STAT2: variants seen among roughly 807,000 people sequenced by gnomAD.
The protein encoded by STAT2 is interferon alpha induced transcriptional activator.
Under a neutral mutation model 122.3 loss-of-function variants are expected in STAT2, and 51 were observed. The ratio of observed to expected loss-of-function variants is 0.42; its 90% confidence interval spans 0.33 to 0.53. The LOEUF (loss-of-function observed/expected upper bound fraction) is 0.53, where lower values mean the gene tolerates loss of function less well. Among genes scored for constraint, STAT2 ranks in the 20% least tolerant of loss-of-function variants. The probability of loss-of-function intolerance (pLI) is 0.10; values close to 1 mark genes in which losing one functional copy is unlikely to be tolerated. For missense variants in STAT2, 736 were observed against 1,010.3 expected (o/e 0.73, Z 3.68); for synonymous variants, 351 against 394.9 (o/e 0.89, Z 1.32).
At chr12:56,357,988 C>G (rs1273710879) in intron 1 of STAT2, among the ~76,000 whole-genome samples, 2 of 152,106 alleles carry the variant, frequency 1.3e-5, no homozygotes, top group African/African-American at 4.8e-5. Flanking sequence ...CAGGCATGAG[C>G]CACCATAACC....
At position 56,355,695 on chromosome 12, in the gene STAT2, G is replaced by C. The variant is rs1239790572; in HGVS notation, c.381+13C>G. 1 of 1,612,594 alleles carries C rather than the reference G, an allele frequency of 6.2e-7. No homozygotes were observed. Among genetic ancestry groups the C allele is most frequent in the Non-Finnish European group, 8.5e-7 (1 of 1,178,792 alleles). ...TTCAGGAGTTTCCAACATTACCACT[G>C]AATTGTCCTCACCAATTGGGCCCTC... On this transcript the variant is annotated intron_variant, in intron 4 of 23. Transcript: ENST00000314128.
In STAT2 at chr12:56,351,122, C is replaced by A; in HGVS notation, c.1010G>T (p.Gly337Val). The change falls in exon 10 of 24, where the codon GGC becomes GTC. Residue 337 changes from glycine (G) to valine (V), a missense_variant. Transcript: ENST00000314128. ...CCTTGTTCGGACGGTGAACTTGCTG[C>A]CAGTCTTGAGGATGAGGGGTCGATG... is the stretch of plus-strand genomic sequence containing the variant. ...TPHRPLILKT[G>V]SKFTVRTRLL... The A allele has an allele frequency of 6.2e-7, 1 of 1,613,990 alleles. No homozygotes were observed. Among genetic ancestry groups the A allele is most frequent in the Non-Finnish European group, 8.5e-7 (1 of 1,179,994 alleles).
At chr12:56,345,457 A>G (rs1877241672) in intron 22 of STAT2, among the ~76,000 whole-genome samples, 1 of 129,156 alleles carries the variant, frequency 7.7e-6, no homozygotes, top group Non-Finnish European at 1.6e-5. Flanking sequence ...TCATGATTAT[A>G]CCACTGCACT....
Position 56,344,181 on chromosome 12 carries a change from A to C in STAT2, c.2103-46T>G, listed in dbSNP as rs775952433. ...AAAGGGGCAGGGCTCAGTGGTTCAA[A>C]TGAAATCAGGAATGGTAGAATAAGC... is the stretch of plus-strand genomic sequence containing the variant. On this transcript the variant is annotated intron_variant, in intron 22 of 23. Coordinates refer to ENST00000314128, the MANE Select transcript of STAT2 (RefSeq NM_005419.4). 6.6e-6 allele frequency: 10 copies of C among 1,521,576 alleles called. No individual in the cohort carries two copies. In the African/African-American group the frequency reaches 9.7e-5, roughly 15 times the overall value. 94.3% of individuals were successfully genotyped at this position (1,521,576 alleles called of 1,614,324 possible). A position where few individuals can be genotyped will look rare whatever the true frequency, so the allele number is the denominator to read the frequency against.
Position 56,355,794 on chromosome 12 carries a change from G to A in STAT2, c.295C>T (p.Gln99Ter), listed in dbSNP as rs2136088691. The change falls in exon 4 of 24, where the codon CAG becomes TAG. Residue 99 changes from glutamine to a stop codon, truncating the protein, a stop_gained. Transcript: ENST00000314128. LOFTEE classifies it high-confidence loss of function. The part of the protein sequence containing the change: ...KFCRDIQPFS[Q>*]DPTQLAEMIF... ...ATCTCAGCCAACTGGGTAGGATCCT[G>A]GGAAAAGGGCTAGAATAGGTAAACA... 2 of 1,614,048 alleles carry A rather than the reference G, an allele frequency of 1.2e-6. No individual in the cohort carries two copies. The highest frequency in any genetic ancestry group is 1.7e-6 in the Non-Finnish European group (2 of 1,179,956).
rs111889584 is a variant in STAT2, at chr12:56,355,808, A to G, written c.286-5T>C. Reference sequence around the variant, plus strand: ...GGTAGGATCCTGGGAAAAGGGCTAGAATAGGTAAACAGAAAGGATTGATCC... The same window carrying G: ...GGTAGGATCCTGGGAAAAGGGCTAGGATAGGTAAACAGAAAGGATTGATCC... On this transcript the variant is annotated splice_polypyrimidine_tract_variant and splice_region_variant and intron_variant, in intron 3 of 23. Coordinates refer to ENST00000314128, the MANE Select transcript of STAT2 (RefSeq NM_005419.4). The G allele has an allele frequency of 8.4e-5, 135 of 1,613,168 alleles. No individual in the cohort carries two copies. The African/African-American group carries it at 1.5e-3, about 18-fold the overall frequency.
chr12:56,351,540 G>T, intron 8 of STAT2, 90 bp from the exon 9 acceptor site: 2 of 1,375,668 alleles, frequency 1.5e-6, no homozygotes, highest in Non-Finnish European at 2.0e-6. Flanking sequence ...TATGTGAAGA[G>T]TCAGAAACTG....
In STAT2 at chr12:56,343,274, C is replaced by G; in HGVS notation, c.*115G>C. 6.9e-7 allele frequency: 1 copy of G among 1,451,954 alleles called. No homozygotes were observed. Among genetic ancestry groups the G allele is most frequent in the Admixed American group, 2.2e-5 (1 of 44,876 alleles). The allele number at this position is 1,451,954 out of a possible 1,614,324, so 89.9% of individuals were successfully genotyped here. A position where few individuals can be genotyped will look rare whatever the true frequency, so the allele number is the denominator to read the frequency against. ...GGAGTCACACAGGCCTGAGTTTGAA[C>G]AGTTAACACAGCTTGGAAGGGACAC... On this transcript the variant is annotated 3_prime_UTR_variant, in exon 24 of 24. Transcript: ENST00000314128.
chr12:56,352,831 A>T (rs1878754136), intron 8 of STAT2, among the ~76,000 whole-genome samples: 1 of 151,484 alleles, frequency 6.6e-6, no homozygotes, highest in Non-Finnish European at 1.5e-5. Context: ...GTACATATAT[A>T]CTTTTAGAGA....
chr12:56,349,277 G>C lies in STAT2; in HGVS notation c.1342-16C>G, dbSNP rs1479761346. On this transcript the variant is annotated splice_polypyrimidine_tract_variant and intron_variant, in intron 15 of 23. Transcript: ENST00000314128. ...GGGTGTCCGTCTGGGGAGAAGACAG[G>C]AGTCACAGAGAGGGATGTGATGTTT... 6.2e-7 allele frequency: 1 copy of C among 1,614,080 alleles called. No individual in the cohort carries two copies. The highest frequency in any genetic ancestry group is 8.5e-7 in the Non-Finnish European group (1 of 1,180,048).
chr12:56,350,444 TA>T lies in STAT2; in HGVS notation c.1095-13del. On this transcript the variant is annotated splice_polypyrimidine_tract_variant and intron_variant, in intron 11 of 23. Coordinates refer to ENST00000314128, the MANE Select transcript of STAT2 (RefSeq NM_005419.4). ...ATTGAGGAGGATTCCTGAAAAGAAATAAATTTAAAAAAATCATTGGGCAAAA... is the reference window on the plus strand; with the variant it reads ...ATTGAGGAGGATTCCTGAAAAGAAATAATTTAAAAAAATCATTGGGCAAAA... 3 of 1,598,516 alleles carry T rather than the reference TA, an allele frequency of 1.9e-6. No homozygotes were observed. Among genetic ancestry groups the T allele is most frequent in the Non-Finnish European group, 2.6e-6 (3 of 1,175,000 alleles).
At chr12:56,348,407 G>A (rs1877873651) in intron 19 of STAT2, 122 bp downstream of exon 19, 12 of 959,724 alleles carry the variant, frequency 1.3e-5, no homozygotes, top group Non-Finnish European at 2.0e-5. Flanking sequence ...TAACAAATGT[G>A]AGGAGACGTG....
Position 56,355,738 on chromosome 12 carries a change from T to G in STAT2, c.351A>C (p.Arg117Ser). The change falls in exon 4 of 24, where the codon AGA becomes AGC. Residue 117 changes from arginine (R) to serine (S), a missense_variant. Arg to Ser is a moderately radical substitution (Grantham distance 110). Transcript: ENST00000314128. ...GGGCCCTCTGAGCCTGGATCAAAATTCTTTTTTCTTCCAGAAGGAGGTTAA... is the reference window on the plus strand; with the variant it reads ...GGGCCCTCTGAGCCTGGATCAAAATGCTTTTTTCTTCCAGAAGGAGGTTAA... ...MIFNLLLEEK[R>S]ILIQAQRAQL... 6.2e-7 allele frequency: 1 copy of G among 1,614,148 alleles called. No homozygotes were observed. The highest frequency in any genetic ancestry group is 8.5e-7 in the Non-Finnish European group (1 of 1,180,032).
chr12:56,348,893 G>C (rs1291433150), intron 17 of STAT2, 31 bp downstream of exon 17: 1 of 1,613,484 alleles, frequency 6.2e-7, no homozygotes, highest in Admixed American at 1.7e-5. Context: ...ACTAAGGCTG[G>C]GGAAAGGCTG....
intron 11 of STAT2, 119 bp from the exon 12 acceptor site, chr12:56,350,551 C>T: frequency 1.1e-6 from 1 of 920,110 alleles, no homozygotes; most frequent in Non-Finnish European, 1.6e-6. Context: ...AGCTATGTGG[C>T]CTTGAGAAGA....
intron 1 of STAT2, among the ~76,000 whole-genome samples, chr12:56,357,026 ATTT>A (rs34402362): frequency 0.015 from 985 of 66,378 alleles, 30 homozygotes; most frequent in African/African-American, 0.049. Flanking sequence ...CCTAATCTGT[ATTT>A]TTTTTTTTTT....
chr12:56,354,133 G>A (rs1482039184), intron 8 of STAT2, among the ~76,000 whole-genome samples: 2 of 142,070 alleles, frequency 1.4e-5, no homozygotes, highest in Non-Finnish European at 3.1e-5. Context: ...TAGGTAATAG[G>A]TAATTTTCTC....
intron 22 of STAT2, among the ~76,000 whole-genome samples, chr12:56,345,474 T>C (rs1465535644): frequency 2.4e-5 from 2 of 83,540 alleles, no homozygotes; most frequent in Non-Finnish European, 4.3e-5. Context: ...CACTCCAGCC[T>C]GGATAACAGA....
chr12:56,348,793 T>G lies in STAT2; in HGVS notation c.1588A>C (p.Arg530=). The part of the protein sequence containing the change: ...LRNKLFGQNC[R]TEDPLLSWAD... Reference sequence around the variant, plus strand: ...CAGGACAATAATGGATCCTCAGTCCTACAGTTCTGCCCTGTGGGACAGATA... The same window carrying G: ...CAGGACAATAATGGATCCTCAGTCCGACAGTTCTGCCCTGTGGGACAGATA... Residue 530 remains arginine (R), a synonymous_variant, in exon 18 of 24, where the codon AGG becomes CGG. Coordinates refer to ENST00000314128, the MANE Select transcript of STAT2 (RefSeq NM_005419.4). 6.2e-7 allele frequency: 1 copy of G among 1,614,136 alleles called. No homozygotes were observed. Among genetic ancestry groups the G allele is most frequent in the African/African-American group, 1.3e-5 (1 of 75,020 alleles).
Sources: allele counts gnomAD v4.1 joint callset (sites outside exome capture counted in the v4.1 genomes callset), GRCh38; gene constraint gnomAD v4.1.1; transcripts MANE v1.5; gene names NCBI Gene and HGNC (gene_info 2026-07-23, HGNC 2026-07-21).